Variants in TENM3 observed in about 807,000 individuals in gnomAD.
The protein encoded by TENM3 is teneurin-3.
Under a neutral mutation model 255.1 loss-of-function variants are expected in TENM3, and 63 were observed. That is an observed-to-expected ratio of 0.25 (90% CI 0.20 to 0.30). The LOEUF is 0.30. Among genes scored for constraint, TENM3 ranks in the 10% least tolerant of loss-of-function variants. The pLI is 1.00. For synonymous variants in TENM3, 1,306 were observed against 1,322.3 expected (o/e 0.99, Z 0.27); for missense variants, 2,929 against 3,461.1 (o/e 0.85, Z 3.86).
intron 19 of TENM3, among the ~76,000 whole-genome samples, chr4:182,746,213 A>G (rs906264327): frequency 6.6e-6 from 1 of 152,190 alleles, no homozygotes; most frequent in African/African-American, 2.4e-5. Flanking sequence ...ACACTTAATC[A>G]TACCCGTGGT....
intron 12 of TENM3, chr4:182,697,987 T>G (rs1757556660): frequency 6.6e-6 from 1 of 152,172 alleles, no homozygotes; most frequent in Non-Finnish European, 1.5e-5. Flanking sequence ...CAAATTCTTC[T>G]TTCGTATTTG....
chr4:182,763,520 G>A (rs1276349694), intron 22 of TENM3, among the ~76,000 whole-genome samples: 2 of 151,862 alleles, frequency 1.3e-5, no homozygotes, highest in Non-Finnish European at 2.9e-5. Context: ...AGCCCAGATC[G>A]TGCCAGCCTG....
At chr4:182,448,996 G>A (rs946090016) in intron 3 of TENM3, 2 of 399,996 alleles carry the variant, frequency 5.0e-6, no homozygotes, top group Non-Finnish European at 1.0e-5. Context: ...GGAGCCAGGC[G>A]CTGTAACACG....
the TENM3 span, among the ~76,000 whole-genome samples, chr4:181,618,085 G>A: frequency 0.017 from 2,523 of 152,254 alleles, 29 homozygotes; most frequent in Non-Finnish European, 0.026. Flanking sequence ...ACAATATAAA[G>A]TTTGCAGTCA....
chr4:182,577,145 T>C (rs1020434880), intron 3 of TENM3, among the ~76,000 whole-genome samples: 1 of 152,212 alleles, frequency 6.6e-6, no homozygotes, highest in African/African-American at 2.4e-5. Flanking sequence ...AAGCATTAGC[T>C]TATCGGAAAA....
intron 1 of TENM3, among the ~76,000 whole-genome samples, chr4:182,215,981 C>T (rs564318778): frequency 6.6e-6 from 1 of 152,136 alleles, no homozygotes; most frequent in Middle Eastern, 3.2e-3. Flanking sequence ...CGACACTACC[C>T]CCTCTCCCAG....
the TENM3 span, among the ~76,000 whole-genome samples, chr4:181,832,279 A>G: frequency 6.6e-6 from 1 of 152,182 alleles, no homozygotes; most frequent in African/African-American, 2.4e-5. Flanking sequence ...ACAATGAAAT[A>G]GGAGACTTGC....
chr4:182,125,442 G>A, the TENM3 span, among the ~76,000 whole-genome samples: 1 of 152,186 alleles, frequency 6.6e-6, no homozygotes, highest in Admixed American at 6.5e-5. Flanking sequence ...CCCAGTTTCA[G>A]GCATCTACTG....
At chr4:182,056,940 A>G in the TENM3 span, among the ~76,000 whole-genome samples, 12 of 151,798 alleles carry the variant, frequency 7.9e-5, no homozygotes, top group Non-Finnish European at 1.8e-4. Flanking sequence ...GAGTGAAAGA[A>G]TATGTTCAGC....
the TENM3 span, among the ~76,000 whole-genome samples, chr4:182,021,049 A>G: frequency 1.3e-5 from 2 of 152,144 alleles, no homozygotes; most frequent in African/African-American, 4.8e-5. Context: ...TAACCCAAAT[A>G]GTGACCACAG....
chr4:182,794,251 T>C (rs72703973), intron 26 of TENM3, among the ~76,000 whole-genome samples: 15,094 of 152,176 alleles, frequency 0.099, 873 homozygotes, highest in Admixed American at 0.12. Context: ...AAGCAAGCCA[T>C]ATGTTTTTTG....
chr4:181,967,279 G>A, the TENM3 span, among the ~76,000 whole-genome samples: 1 of 152,162 alleles, frequency 6.6e-6, no homozygotes, highest in Non-Finnish European at 1.5e-5. Flanking sequence ...CCACCCATGT[G>A]TCAGGTGATC....
At chr4:182,257,940 C>T (rs1275851778) in intron 1 of TENM3, among the ~76,000 whole-genome samples, 2 of 152,102 alleles carry the variant, frequency 1.3e-5, no homozygotes, top group Non-Finnish European at 2.9e-5. Flanking sequence ...TTATTGCTAA[C>T]TATTTTGTTG....
At chr4:182,667,294 G>C (rs886152885) in intron 6 of TENM3, among the ~76,000 whole-genome samples, 1 of 152,018 alleles carries the variant, frequency 6.6e-6, no homozygotes, top group African/African-American at 2.4e-5. Context: ...AGGTTCAAGT[G>C]ATTCTCCTGC....
the TENM3 span, among the ~76,000 whole-genome samples, chr4:181,898,273 C>G: frequency 6.7e-6 from 1 of 149,654 alleles, no homozygotes; most frequent in African/African-American, 2.4e-5. Flanking sequence ...CACACACACA[C>G]ACACACACAC....
At chr4:181,654,295 G>GACTTCTTTTTTTTTTTTTTTTTT in the TENM3 span, among the ~76,000 whole-genome samples, 1 of 151,654 alleles carries the variant, frequency 6.6e-6, no homozygotes. Context: ...CAGTGATTTG[G>GACTTCTTTTTTTTTTTTTTTTTT]CCTCATTAAG....
the TENM3 span, among the ~76,000 whole-genome samples, chr4:182,133,541 T>C: frequency 3.3e-5 from 5 of 152,186 alleles, no homozygotes; most frequent in Non-Finnish European, 7.3e-5. Context: ...GAATCGTATA[T>C]AAAATATTAA....
At chr4:182,066,784 G>T in the TENM3 span, among the ~76,000 whole-genome samples, 1 of 151,886 alleles carries the variant, frequency 6.6e-6, no homozygotes. Flanking sequence ...GGTGGCAGGC[G>T]CCTGTAGTCC....
chr4:182,175,302 TAAA>T (rs200201122), intron 1 of TENM3, among the ~76,000 whole-genome samples: 4 of 120,568 alleles, frequency 3.3e-5, no homozygotes, highest in African/African-American at 1.2e-4. Context: ...TCTGCTTCAT[TAAA>T]AAAAAAAAAA....
Sources: allele counts gnomAD v4.1 joint callset (sites outside exome capture counted in the v4.1 genomes callset), GRCh38; gene constraint gnomAD v4.1.1; transcripts MANE v1.5; gene names NCBI Gene and HGNC (gene_info 2026-07-23, HGNC 2026-07-21).